Variants in KAZN observed in about 807,000 individuals in gnomAD.
The protein encoded by KAZN is kazrin.
A neutral mutation model predicts 87.4 loss-of-function variants in KAZN; 40 were observed. That is an observed-to-expected ratio of 0.46 (90% CI 0.36 to 0.60). The LOEUF (loss-of-function observed/expected upper bound fraction) is 0.60, where lower values mean the gene tolerates loss of function less well. KAZN is among the 20% of genes least tolerant of loss of function. KAZN has a pLI of 0.00. For missense variants in KAZN, 898 were observed against 1,073.9 expected, an observed-to-expected ratio of 0.84 and a Z score of 2.29; for synonymous variants, 466 against 458.3, an observed-to-expected ratio of 1.02 and a Z score of -0.22.
chr1:14,335,109 C>A (rs1657142240), intron 2 of KAZN, among the ~76,000 whole-genome samples: 2 of 150,970 alleles, frequency 1.3e-5, no homozygotes, highest in South Asian at 4.2e-4. Context: ...ACTCGGTGCC[C>A]CCCCCCCACC....
At chr1:14,458,065 C>G (rs1400248283) in intron 2 of KAZN, among the ~76,000 whole-genome samples, 1 of 152,054 alleles carries the variant, frequency 6.6e-6, no homozygotes, top group Non-Finnish European at 1.5e-5. Context: ...CTCATGATCC[C>G]CCTGCCTTGG....
At chr1:14,363,389 C>T (rs531053715) in intron 2 of KAZN, among the ~76,000 whole-genome samples, 1 of 152,310 alleles carries the variant, frequency 6.6e-6, no homozygotes, top group African/African-American at 2.4e-5. Context: ...CCCACCCACC[C>T]TCTGGCCGTG....
At chr1:14,060,329 G>C (rs147953871) in intron 1 of KAZN, among the ~76,000 whole-genome samples, 7,817 of 139,968 alleles carry the variant, frequency 0.056, 569 homozygotes, top group African/African-American at 0.17. Flanking sequence ...CGCCACTGCA[G>C]TCCAGCCTGG....
At chr1:15,060,387 G>T (rs1033982402) in intron 6 of KAZN, 85 bp downstream of exon 6, 4 of 1,554,926 alleles carry the variant, frequency 2.6e-6, no homozygotes, top group Non-Finnish European at 3.5e-6. Flanking sequence ...AGCCATACTC[G>T]CTGTTTCCTC....
At chr1:14,643,832 A>G (rs1680591592) in intron 1 of KAZN, among the ~76,000 whole-genome samples, 1 of 152,036 alleles carries the variant, frequency 6.6e-6, no homozygotes. Context: ...AGCATCTGTT[A>G]TATTTTTACT....
chr1:14,996,395 G>T lies in KAZN; in HGVS notation c.418+35520G>T, dbSNP rs1037509670. 6.6e-5 allele frequency among the ~76,000 whole-genome samples: 10 copies of T among 152,156 alleles called. No homozygotes were observed. Among genetic ancestry groups the T allele is most frequent in the African/African-American group, 2.4e-4 (10 of 41,436 alleles). ...CTTGGCTGTCCCGGCACATCATGGG[G>T]GCCTCAGAGGCAGGGACTGTGACTT... On this transcript the variant is annotated intron_variant, in intron 2 of 14. Coordinates refer to ENST00000376030, the MANE Select transcript of KAZN (RefSeq NM_201628.3). This position sits in a 1 kb window ranked among gnomAD's most constrained non-coding sequence, Gnocchi z 5.9.
intron 1 of KAZN, among the ~76,000 whole-genome samples, chr1:14,862,548 G>C (rs764055918): frequency 6.6e-6 from 1 of 152,170 alleles, no homozygotes; most frequent in Non-Finnish European, 1.5e-5. Flanking sequence ...AGTCACATCA[G>C]GGGAGGCCTA....
At chr1:15,057,848 A>G (rs895988556) in intron 5 of KAZN, among the ~76,000 whole-genome samples, 1 of 152,156 alleles carries the variant, frequency 6.6e-6, no homozygotes, top group African/African-American at 2.4e-5. Context: ...CAGTTTCTGA[A>G]TCACGTGGGG....
At chr1:14,016,336 T>G (rs1282139844) in intron 1 of KAZN, among the ~76,000 whole-genome samples, 1 of 152,222 alleles carries the variant, frequency 6.6e-6, no homozygotes, top group African/African-American at 2.4e-5. Context: ...CTCACTTTTA[T>G]GGGTACAGGA....
At chr1:13,910,540 C>A (rs1013995879) in intron 1 of KAZN, among the ~76,000 whole-genome samples, 1 of 151,830 alleles carries the variant, frequency 6.6e-6, no homozygotes, top group Non-Finnish European at 1.5e-5. Flanking sequence ...CCTCCCCCAC[C>A]TTGCTCCTGC....
chr1:14,385,494 G>A (rs1183564415), intron 2 of KAZN, among the ~76,000 whole-genome samples: 6 of 152,146 alleles, frequency 3.9e-5, no homozygotes, highest in African/African-American at 1.4e-4. Context: ...ATGTGTCCCA[G>A]AGACTCTGGT....
At chr1:14,571,891 A>C (rs1462016171) in intron 2 of KAZN, among the ~76,000 whole-genome samples, 3 of 152,190 alleles carry the variant, frequency 2.0e-5, no homozygotes, top group African/African-American at 7.2e-5. Flanking sequence ...CAGTGAGGGC[A>C]ATGTAACTAC....
In KAZN at chr1:14,655,533, G is replaced by A. The variant is rs75654652; in HGVS notation, c.226+56310G>A. Among the ~76,000 whole-genome samples, 402 of 152,308 alleles carry A rather than the reference G, an allele frequency of 2.6e-3. 3 individuals are homozygous for A. Among genetic ancestry groups the A allele is most frequent in the Non-Finnish European group, 3.8e-3 (256 of 68,022 alleles). On this transcript the variant is annotated intron_variant, in intron 1 of 14. Coordinates refer to ENST00000376030, the MANE Select transcript of KAZN (RefSeq NM_201628.3). ...TTCTGTTTGTTGGAGCTTAACGGAGGTGGTTTAAATCACCAGCCGTCAGAA... is the reference window on the plus strand; with the variant it reads ...TTCTGTTTGTTGGAGCTTAACGGAGATGGTTTAAATCACCAGCCGTCAGAA...
At position 14,883,318 on chromosome 1, in the gene KAZN, A is replaced by AGAGAGAGAGAGAGAGAG. The variant is rs1653557416; in HGVS notation, c.227-77366_227-77365insGAGAGAGAGAGAGAGAG. Among the ~76,000 whole-genome samples the AGAGAGAGAGAGAGAGAG allele has an allele frequency of 4.7e-4, 18 of 38,592 alleles. 1 individual carries two copies. Among genetic ancestry groups the AGAGAGAGAGAGAGAGAG allele is most frequent in the Admixed American group, 3.3e-3 (9 of 2,746 alleles). 25.3% of individuals were successfully genotyped at this position (38,592 alleles called of 152,430 possible). Reference sequence around the variant, plus strand: ...CTCAAAAGAAAGAAAGAAAGAAAGAAAGAGAGAGAGAGAGAGAGAGAGAGA... The same window carrying AGAGAGAGAGAGAGAGAG: ...CTCAAAAGAAAGAAAGAAAGAAAGAAGAGAGAGAGAGAGAGAGAGAGAGAGAGAGAGAGAGAGAGAGA... On this transcript the variant is annotated intron_variant, in intron 1 of 14. Coordinates refer to ENST00000376030, the MANE Select transcript of KAZN (RefSeq NM_201628.3).
intron 2 of KAZN, among the ~76,000 whole-genome samples, chr1:14,523,500 T>A (rs6673698): frequency 6.6e-6 from 1 of 152,116 alleles, no homozygotes; most frequent in Non-Finnish European, 1.5e-5. Context: ...GATACAAATG[T>A]GTCCCATCCC....
chr1:14,025,599 C>T (rs1419908260), intron 1 of KAZN, among the ~76,000 whole-genome samples: 1 of 152,180 alleles, frequency 6.6e-6, no homozygotes, highest in Non-Finnish European at 1.5e-5. Flanking sequence ...TAGACCAACA[C>T]TATCCAATAA....
At chr1:14,382,458 T>TCCCTTCC (rs1553164585) in intron 2 of KAZN, among the ~76,000 whole-genome samples, 1 of 38,006 alleles carries the variant, frequency 2.6e-5, no homozygotes, top group Non-Finnish European at 4.6e-5. Flanking sequence ...CCCAATGCTA[T>TCCCTTCC]CCCTCCCCCC....
chr1:14,203,219 G>T (rs1037107332), intron 2 of KAZN, among the ~76,000 whole-genome samples: 2 of 152,126 alleles, frequency 1.3e-5, no homozygotes, highest in African/African-American at 2.4e-5. Context: ...GCATCAAATA[G>T]ATTTTGGAAG....
chr1:13,900,057 C>G (rs1226652246), intron 1 of KAZN, among the ~76,000 whole-genome samples: 1 of 146,766 alleles, frequency 6.8e-6, no homozygotes. Flanking sequence ...TTATGAGTAG[C>G]TGCTAGCATG....
Sources: allele counts gnomAD v4.1 joint callset (sites outside exome capture counted in the v4.1 genomes callset), GRCh38; gene constraint gnomAD v4.1.1; non-coding constraint Gnocchi (gnomAD v3.1); transcripts MANE v1.5; gene names NCBI Gene and HGNC (gene_info 2026-07-23, HGNC 2026-07-21).